Variants in GON4L observed in about 807,000 individuals in gnomAD.
GON4L encodes GON-4-like protein.
In GON4L, 87 loss-of-function variants were observed where a neutral mutation model predicts 211.8. That is an observed-to-expected ratio of 0.41 (90% CI 0.35 to 0.49). The LOEUF (loss-of-function observed/expected upper bound fraction) is 0.49, where lower values mean the gene tolerates loss of function less well. Ranked by LOEUF, GON4L falls within the 20% of genes least tolerant of loss-of-function variation. GON4L has a pLI of 0.15. For synonymous variants in GON4L, 875 were observed against 962.6 expected (o/e 0.91, Z 1.68); for missense variants, 2,155 against 2,659.5 (o/e 0.81, Z 4.17).
Position 155,752,579 on chromosome 1 carries a change from C to T in GON4L, c.5854G>A (p.Val1952Met), listed in dbSNP as rs762552694. 4 of 1,584,306 alleles carry T rather than the reference C, an allele frequency of 2.5e-6. No homozygotes were observed. The highest frequency in any genetic ancestry group is 4.6e-5 in the East Asian group (2 of 43,602). ...GEMPVSAGLA[V>M]GSTLPSPREV... ...CGAGGGGATGGCAAAGTGCTCCCCA[C>T]TGCCAATCCTGCTTAGGAGGAAAAT... Residue 1952 changes from valine to methionine, a missense_variant, in exon 30 of 32, where the codon GTG becomes ATG. Transcript: ENST00000368331.
chr1:155,839,353 G>C (rs1297840414), intron 2 of GON4L, among the ~76,000 whole-genome samples: 1 of 152,044 alleles, frequency 6.6e-6, no homozygotes, highest in Non-Finnish European at 1.5e-5. Context: ...TAGTTATTTA[G>C]GAAAAGTAGT....
At chr1:155,858,133 C>T (rs1672423843), upstream of GON4L, among the ~76,000 whole-genome samples, 1 of 152,046 alleles carries the variant, frequency 6.6e-6, no homozygotes, top group Non-Finnish European at 1.5e-5. Context: ...CAGGAGGCTG[C>T]CTGGGGTGTA....
At chr1:155,754,524 G>GT (rs760971402) in intron 27 of GON4L, 36 bp from the exon 28 acceptor site, 44,509 of 459,752 alleles carry the variant, frequency 0.097, 46 homozygotes, top group South Asian at 0.12. Flanking sequence ...CTGCCAAGTT[G>GT]TTTTTTTTTT....
At chr1:155,785,646 T>C (rs180860405) in intron 12 of GON4L, among the ~76,000 whole-genome samples, 72 of 152,048 alleles carry the variant, frequency 4.7e-4, no homozygotes, top group African/African-American at 1.7e-3. Context: ...CATGCCACCA[T>C]GCCTGGCTAA....
Position 155,760,748 on chromosome 1 carries a change from T to G in GON4L, c.4912-107A>C, listed in dbSNP as rs1661703125. Reference sequence around the variant, plus strand: ...TATGGTTAGAGAGCTCCAAGAATTATCCATCAGAGGCTGTGCCTCCAACAG... The same window carrying G: ...TATGGTTAGAGAGCTCCAAGAATTAGCCATCAGAGGCTGTGCCTCCAACAG... On this transcript the variant is annotated intron_variant, in intron 23 of 31. Transcript: ENST00000368331. 6.3e-5 allele frequency: 46 copies of G among 735,626 alleles called. 1 individual carries two copies. In the South Asian group the frequency reaches 7.5e-4, roughly 12 times the overall value. 45.6% of individuals were successfully genotyped at this position (735,626 alleles called of 1,614,324 possible). A position where few individuals can be genotyped will look rare whatever the true frequency, so the allele number is the denominator to read the frequency against.
At chr1:155,810,228 G>T (rs185580107) in intron 10 of GON4L, among the ~76,000 whole-genome samples, 148 of 150,966 alleles carry the variant, frequency 9.8e-4, no homozygotes, top group African/African-American at 3.5e-3. Context: ...ACCTGACCTC[G>T]GGTGATCCAC....
rs1162116701 is a variant in GON4L at position 155,805,585 on chromosome 1, G to C, written c.1453-444C>G. ...TTTCTGTCTCTATGGATTTGTTTCT[G>C]CTGGACATTTCACTTAGATGGAATC... On this transcript the variant is annotated intron_variant, in intron 10 of 31. Transcript: ENST00000368331. 2.0e-5 allele frequency among the ~76,000 whole-genome samples: 3 copies of C among 151,998 alleles called. No individual in the cohort carries two copies. The East Asian group carries it at 5.8e-4, about 29-fold the overall frequency.
At chr1:155,787,365 C>T (rs1262363037) in intron 12 of GON4L, among the ~76,000 whole-genome samples, 1 of 152,024 alleles carries the variant, frequency 6.6e-6, no homozygotes, top group Non-Finnish European at 1.5e-5. Flanking sequence ...TGCTCCAAAA[C>T]GGGGCTCATA....
In GON4L at chr1:155,773,158, G is replaced by C; in HGVS notation, c.2403C>G (p.Ser801Arg). Reference sequence around the variant, plus strand: ...GTAACTCTGGATACATGAAAACCTTGCTTGTGGCCAGAATCCAAGCCACTT... The same window carrying C: ...GTAACTCTGGATACATGAAAACCTTCCTTGTGGCCAGAATCCAAGCCACTT... ...PKQVAWILAT[S>R]KVFMYPELLP... Residue 801 changes from serine to arginine, a missense_variant, in exon 18 of 32, where the codon AGC becomes AGG. Coordinates refer to ENST00000368331, the MANE Select transcript of GON4L (RefSeq NM_001282860.2). The C allele has an allele frequency of 3.1e-6, 5 of 1,613,996 alleles. No homozygotes were observed. The highest frequency in any genetic ancestry group is 4.2e-6 in the Non-Finnish European group (5 of 1,179,954).
intron 2 of GON4L, among the ~76,000 whole-genome samples, chr1:155,833,428 T>A (rs561354642): frequency 6.6e-6 from 1 of 151,726 alleles, no homozygotes; most frequent in South Asian, 2.1e-4. Context: ...GGCGGGCAGA[T>A]CACAAGGTCA....
chr1:155,747,961 T>C (rs1163342448), downstream of GON4L: 3 of 1,571,960 alleles, frequency 1.9e-6, no homozygotes, highest in South Asian at 3.4e-5. Flanking sequence ...TGCAAACTGG[T>C]TTTTTTCTTT....
At chr1:155,812,662 T>C (rs562951093) in intron 10 of GON4L, among the ~76,000 whole-genome samples, 1 of 152,106 alleles carries the variant, frequency 6.6e-6, no homozygotes, top group South Asian at 2.1e-4. Flanking sequence ...TTCAAGCGAT[T>C]CTCCTGCCTC....
chr1:155,759,297 T>C (rs1661517549), intron 24 of GON4L, among the ~76,000 whole-genome samples: 1 of 152,012 alleles, frequency 6.6e-6, no homozygotes, highest in Non-Finnish European at 1.5e-5. Context: ...TTTGGCCAAG[T>C]GTGGTGGCTC....
intron 11 of GON4L, among the ~76,000 whole-genome samples, chr1:155,797,415 G>C (rs528762101): frequency 4.0e-5 from 6 of 151,336 alleles, no homozygotes; most frequent in African/African-American, 1.5e-4. Context: ...AGAGTCTGGC[G>C]CCTCTTCCAT....
At chr1:155,851,453 C>T (rs1331599727) in intron 2 of GON4L, among the ~76,000 whole-genome samples, 1 of 151,546 alleles carries the variant, frequency 6.6e-6, no homozygotes, top group Non-Finnish European at 1.5e-5. Context: ...CAGTGGCTCA[C>T]GCCTGTAATC....
chr1:155,784,935 A>C (rs1664794999), intron 13 of GON4L: 2 of 337,926 alleles, frequency 5.9e-6, no homozygotes, highest in African/African-American at 4.3e-5. Flanking sequence ...CAATGTGGTA[A>C]GACCCTGTCT....
Position 155,751,944 on chromosome 1 carries a change from A to C in GON4L, c.6473+16T>G. 6.2e-7 allele frequency: 1 copy of C among 1,612,516 alleles called. No homozygotes were observed. Among genetic ancestry groups the C allele is most frequent in the Non-Finnish European group, 8.5e-7 (1 of 1,178,690 alleles). Reference sequence around the variant, plus strand: ...CTATGCTCTTTTCCAAACACACGTCATCCACCCTTACCTACCTTGTCCACA... The same window carrying C: ...CTATGCTCTTTTCCAAACACACGTCCTCCACCCTTACCTACCTTGTCCACA... On this transcript the variant is annotated intron_variant, in intron 30 of 31. Transcript: ENST00000368331.
intron 16 of GON4L, among the ~76,000 whole-genome samples, chr1:155,775,455 ATT>A (rs575154449): frequency 6.9e-6 from 1 of 144,938 alleles, no homozygotes. Context: ...ATGAGGACTC[ATT>A]TTTTTTTTTT....
chr1:155,853,301 A>G lies in GON4L; in HGVS notation c.480T>C (p.Pro160=), dbSNP rs1435955823. ...LTLKEPFSGE[P]SEEVKEEGGK... ...CTCCTTCTTCCTTGACTTCTTCACT[A>G]GGCTCTCCTGAAAAAGGCTCCTTTA... is the stretch of plus-strand genomic sequence containing the variant. The change falls in exon 2 of 32, where the codon CCT becomes CCC. Residue 160 remains proline, a synonymous_variant. Transcript: ENST00000368331. 6.2e-7 allele frequency: 1 copy of G among 1,613,958 alleles called. No homozygotes were observed. Among genetic ancestry groups the G allele is most frequent in the Non-Finnish European group, 8.5e-7 (1 of 1,179,816 alleles).
Sources: allele counts gnomAD v4.1 joint callset (sites outside exome capture counted in the v4.1 genomes callset), GRCh38; gene constraint gnomAD v4.1.1; transcripts MANE v1.5; gene names NCBI Gene and HGNC (gene_info 2026-07-23, HGNC 2026-07-21).